The following POU6F2 variants were observed in gnomAD, a reference collection of about 807,000 sequenced individuals.
POU6F2 encodes the protein POU domain, class 6, transcription factor 2.
POU6F2 carries 31 observed loss-of-function variants against 71.3 expected under a neutral mutation model. The ratio of observed to expected loss-of-function variants is 0.43; its 90% CI spans 0.33 to 0.59. The LOEUF (loss-of-function observed/expected upper bound fraction) is 0.59, where lower values mean the gene tolerates loss of function less well. Among genes scored for constraint, POU6F2 ranks in the 20% least tolerant of loss-of-function variants. POU6F2 has a pLI of 0.04. For missense variants in POU6F2, 783 were observed against 856.8 expected, an observed-to-expected ratio of 0.91 and a Z score of 1.07; for synonymous variants, 347 against 355.7, an observed-to-expected ratio of 0.98 and a Z score of 0.27.
At chr7:39,057,651 A>C (rs1790559951) in intron 1 of POU6F2, among the ~76,000 whole-genome samples, 2 of 152,122 alleles carry the variant, frequency 1.3e-5, no homozygotes, top group African/African-American at 4.8e-5. Context: ...CTACATTCCT[A>C]TTCCAACACT....
chr7:39,197,322 T>C (rs1218457854), intron 2 of POU6F2, among the ~76,000 whole-genome samples: 30 of 152,182 alleles, frequency 2.0e-4, no homozygotes, highest in Non-Finnish European at 2.9e-5. Flanking sequence ...CTCCAACACA[T>C]CCCAGCCGGA....
At chr7:39,216,988 A>G (rs1177802371) in intron 4 of POU6F2, among the ~76,000 whole-genome samples, 1 of 152,218 alleles carries the variant, frequency 6.6e-6, no homozygotes, top group Non-Finnish European at 1.5e-5. Flanking sequence ...AATACTGTAT[A>G]TAACAAAGTA....
chr7:39,176,533 G>A (rs1372692694), intron 2 of POU6F2, among the ~76,000 whole-genome samples: 1 of 152,126 alleles, frequency 6.6e-6, no homozygotes, highest in Non-Finnish European at 1.5e-5. Context: ...AACACTAGGG[G>A]AGAAGCGTGT....
intron 5 of POU6F2, among the ~76,000 whole-genome samples, chr7:39,361,649 G>A (rs544193364): frequency 2.0e-5 from 3 of 152,146 alleles, no homozygotes; most frequent in East Asian, 1.9e-4. Context: ...GAAGACTGCC[G>A]AACACATCAT....
chr7:39,030,869 T>C (rs1226154141), intron 1 of POU6F2, among the ~76,000 whole-genome samples: 2 of 151,410 alleles, frequency 1.3e-5, no homozygotes, highest in African/African-American at 2.4e-5. Context: ...CAAAAAAAAA[T>C]TGAACTAAAC....
chr7:39,316,878 CAT>C (rs1785278148), intron 4 of POU6F2, among the ~76,000 whole-genome samples: 1 of 152,172 alleles, frequency 6.6e-6, no homozygotes, highest in African/African-American at 2.4e-5. Context: ...GAAATAAACT[CAT>C]GTGGAGGTGA....
At chr7:39,123,609 C>A (rs1584554114) in intron 2 of POU6F2, among the ~76,000 whole-genome samples, 1 of 152,130 alleles carries the variant, frequency 6.6e-6, no homozygotes, top group African/African-American at 2.4e-5. Context: ...CTCTATTGTC[C>A]TTTATGGCTT....
At chr7:39,372,629 C>T (rs1786637116) in intron 5 of POU6F2, among the ~76,000 whole-genome samples, 2 of 152,136 alleles carry the variant, frequency 1.3e-5, no homozygotes, top group South Asian at 4.1e-4. Flanking sequence ...AAATGTTCAC[C>T]TCATCCAAGC....
chr7:39,075,371 A>G (rs927070152), intron 1 of POU6F2, among the ~76,000 whole-genome samples: 2 of 152,044 alleles, frequency 1.3e-5, no homozygotes, highest in Non-Finnish European at 2.9e-5. Context: ...TTTGAGCTGG[A>G]TTTTTAGGAA....
chr7:39,277,657 T>C (rs1258477893), intron 4 of POU6F2, among the ~76,000 whole-genome samples: 1 of 120,610 alleles, frequency 8.3e-6, no homozygotes, highest in East Asian at 2.9e-4. Flanking sequence ...AGGGAAAACA[T>C]TGGTGCTTTG....
At chr7:39,072,570 G>A (rs1351700947) in intron 1 of POU6F2, among the ~76,000 whole-genome samples, 2 of 152,158 alleles carry the variant, frequency 1.3e-5, no homozygotes, top group Admixed American at 6.5e-5. Context: ...TTGACAACAC[G>A]TTAGCCATTC....
At chr7:39,073,578 C>T (rs1191321104) in intron 1 of POU6F2, among the ~76,000 whole-genome samples, 1 of 152,170 alleles carries the variant, frequency 6.6e-6, no homozygotes, top group Non-Finnish European at 1.5e-5. Context: ...AGTCAAGGGT[C>T]ACCCTTGGAA....
intron 4 of POU6F2, among the ~76,000 whole-genome samples, chr7:39,319,210 G>A (rs1785334685): frequency 6.6e-6 from 1 of 152,126 alleles, no homozygotes; most frequent in Non-Finnish European, 1.5e-5. Context: ...CAACCAAATT[G>A]TAAGCAGAAA....
intron 1 of POU6F2, among the ~76,000 whole-genome samples, chr7:39,058,091 T>C (rs925112115): frequency 6.6e-6 from 1 of 152,204 alleles, no homozygotes; most frequent in African/African-American, 2.4e-5. Context: ...CTCTTAGACT[T>C]TCTCACCATT....
rs577600481 is a variant in POU6F2, at chr7:39,190,393, T to C, written c.278-13842T>C. Among the ~76,000 whole-genome samples the C allele has an allele frequency of 7.1e-5, 9 of 126,372 alleles. No individual in the cohort carries two copies. The South Asian group carries it at 2.5e-3, about 35-fold the overall frequency. 82.9% of individuals were successfully genotyped at this position (126,372 alleles called of 152,430 possible). ...AGCCTCAGGTTTGAATCCCAACTCT[T>C]CCTTTTCCTCCTCCTCCTTTTCTTA... On this transcript the variant is annotated intron_variant, in intron 2 of 9. Transcript: ENST00000518318.
rs1042003632 is a variant in POU6F2, at chr7:39,310,064, G to A, written c.599-29578G>A. On this transcript the variant is annotated intron_variant, in intron 4 of 9. Coordinates refer to ENST00000518318, the MANE Select transcript of POU6F2 (RefSeq NM_001370959.1). ...CATAACAAAAGCCTGCCGTAACCCC[G>A]CAAGAAGGCAAAGTTAAGGTTACTA... Among the ~76,000 whole-genome samples, 73 of 152,026 alleles carry A rather than the reference G, an allele frequency of 4.8e-4. 1 individual carries two copies. Among genetic ancestry groups the A allele is most frequent in the Admixed American group, 4.5e-3 (69 of 15,262 alleles).
At chr7:39,006,922 A>G (rs759894296) in intron 1 of POU6F2, 1 of 1,531,266 alleles carries the variant, frequency 6.5e-7, no homozygotes, top group Non-Finnish European at 9.0e-7. Flanking sequence ...ACAAATTTAT[A>G]ATCTGTGAGT....
intron 4 of POU6F2, among the ~76,000 whole-genome samples, chr7:39,280,257 T>A (rs1784537766): frequency 1.3e-5 from 2 of 152,196 alleles, no homozygotes; most frequent in South Asian, 4.1e-4. Flanking sequence ...GCTAAGCCCA[T>A]GCTCCCCCAA....
At chr7:39,228,715 T>C (rs1794518284) in intron 4 of POU6F2, among the ~76,000 whole-genome samples, 2 of 152,314 alleles carry the variant, frequency 1.3e-5, no homozygotes. Context: ...CAGTAAGTAG[T>C]CGCAAATGAA....
Sources: allele counts gnomAD v4.1 joint callset (sites outside exome capture counted in the v4.1 genomes callset), GRCh38; gene constraint gnomAD v4.1.1; transcripts MANE v1.5; gene names NCBI Gene and HGNC (gene_info 2026-07-23, HGNC 2026-07-21).